The following PSD3 variants were observed in gnomAD, a reference collection of about 807,000 sequenced individuals.
PSD3 encodes the protein PH and SEC7 domain-containing protein 3.
PSD3 carries 49 observed loss-of-function variants against 105.5 expected under a neutral mutation model. The observed-to-expected ratio is 0.46, with a 90% CI of 0.37 to 0.59. PSD3 has a LOEUF of 0.59. Ranked by LOEUF, PSD3 falls within the 20% of genes least tolerant of loss-of-function variation. The probability of loss-of-function intolerance (pLI) is 0.00; values close to 1 mark genes in which losing one functional copy is unlikely to be tolerated. For missense variants in PSD3, 1,561 were observed against 1,263.8 expected, an observed-to-expected ratio of 1.24 and a Z score of -3.57; for synonymous variants, 557 against 457.8, an observed-to-expected ratio of 1.22 and a Z score of -2.77.
At chr8:18,783,180 T>C (rs1174983210) in intron 8 of PSD3, among the ~76,000 whole-genome samples, 1 of 152,232 alleles carries the variant, frequency 6.6e-6, no homozygotes. Context: ...GCTAAGGATC[T>C]ATTCAGGTTT....
rs188952200 is a variant in PSD3 at position 18,699,377 on chromosome 8, T to C, written c.2173-43692A>G. On this transcript the variant is annotated intron_variant, in intron 9 of 15. Coordinates refer to ENST00000327040, the MANE Select transcript of PSD3 (RefSeq NM_015310.4). ...AAACAAGAAACAAACTTATACTGTG[T>C]TGGAGCCAGTCAACAATTTGAGATC... Among the ~76,000 whole-genome samples the C allele has an allele frequency of 3.7e-3, 563 of 152,352 alleles. 2 individuals are homozygous for C. The highest frequency in any genetic ancestry group is 5.9e-3 in the Non-Finnish European group (402 of 68,030).
chr8:18,806,223 T>G (rs746061433), intron 4 of PSD3, among the ~76,000 whole-genome samples: 1 of 152,200 alleles, frequency 6.6e-6, no homozygotes, highest in Non-Finnish European at 1.5e-5. Flanking sequence ...GCCGCTGCCT[T>G]AAGTTCTACT....
chr8:18,915,083 G>A (rs1044333632), intron 2 of PSD3, among the ~76,000 whole-genome samples: 2 of 151,648 alleles, frequency 1.3e-5, no homozygotes, highest in African/African-American at 4.9e-5. Context: ...AAGGTATCAA[G>A]GACACACAAT....
intron 1 of PSD3, among the ~76,000 whole-genome samples, chr8:19,019,002 G>C (rs921352609): frequency 1.3e-5 from 2 of 152,144 alleles, no homozygotes; most frequent in Admixed American, 6.5e-5. Flanking sequence ...TCACCATGTT[G>C]GACAGGATAG....
chr8:19,018,252 AAT>A (rs2129475744), upstream of PSD3, among the ~76,000 whole-genome samples: 1 of 152,264 alleles, frequency 6.6e-6, no homozygotes, highest in South Asian at 2.1e-4. Flanking sequence ...TTACACTTTT[AAT>A]ATGTTTTCAA....
intron 8 of PSD3, among the ~76,000 whole-genome samples, chr8:18,787,534 C>G (rs1301813194): frequency 6.6e-6 from 1 of 152,070 alleles, no homozygotes; most frequent in Non-Finnish European, 1.5e-5. Context: ...CCCCAAAATT[C>G]CAGGCAGGCC....
rs1462808078 is a variant in PSD3 at position 18,936,101 on chromosome 8, G to C, written c.63C>G (p.Ser21=). 5.6e-6 allele frequency: 9 copies of C among 1,613,024 alleles called. No homozygotes were observed. The highest frequency in any genetic ancestry group is 5.9e-6 in the Non-Finnish European group (7 of 1,179,802). ...FVWVNNASAH[S]QSVAKAKYEF... ...CATATTTGGCCTTGGCAACACTCTG[G>C]GAATGTGCAGATGCATTGTTCACCC... The change falls in exon 2 of 16, where the codon TCC becomes TCG. Residue 21 remains serine (S), a synonymous_variant. Transcript: ENST00000327040.
intron 8 of PSD3, among the ~76,000 whole-genome samples, chr8:18,779,975 G>C (rs56062960): frequency 0.079 from 11,990 of 152,184 alleles, 1,026 homozygotes; most frequent in East Asian, 0.33. Flanking sequence ...ATACCTCTTT[G>C]TTGATGACTT....
At chr8:19,013,419 G>T (rs1670329567) in intron 1 of PSD3, 144 bp downstream of exon 1, 3 of 1,049,948 alleles carry the variant, frequency 2.9e-6, no homozygotes, top group African/African-American at 1.7e-5. Context: ...GAGAAAAATC[G>T]CACCCTGCAC....
intron 2 of PSD3, among the ~76,000 whole-genome samples, chr8:18,903,966 C>CTGGCCCCA (rs111284697): frequency 0.055 from 8,330 of 152,138 alleles, 245 homozygotes; most frequent in Admixed American, 0.083. Context: ...CTACTTCTGC[C>CTGGCCCCA]TGGGGAAGTG....
At chr8:18,750,692 G>T (rs148494577) in intron 9 of PSD3, among the ~76,000 whole-genome samples, 12,982 of 151,898 alleles carry the variant, frequency 0.085, 1,296 homozygotes, top group African/African-American at 0.22. Flanking sequence ...AGGGCGCTGA[G>T]TGGTGCGTTT....
chr8:18,661,348 T>C (rs1809335196), intron 9 of PSD3, among the ~76,000 whole-genome samples: 1 of 152,188 alleles, frequency 6.6e-6, no homozygotes, highest in Non-Finnish European at 1.5e-5. Flanking sequence ...TGCAGATACT[T>C]AGATCAAGCA....
rs1160938027 is a variant in PSD3, at chr8:18,871,580, A to G, written c.1238+46T>C. ...AAGTACAGGATAACAGTTTTCTATG[A>G]TATGTACCAGGCATCTGAGACAGCA... On this transcript the variant is annotated intron_variant, in intron 3 of 15. Transcript: ENST00000327040. 5.9e-6 allele frequency: 9 copies of G among 1,535,990 alleles called. No individual in the cohort carries two copies. In the African/African-American group the frequency reaches 8.3e-5, roughly 14 times the overall value.
rs112318243 is a variant in PSD3, at chr8:18,978,435, T to C, written c.21+35128A>G. Reference sequence around the variant, plus strand: ...TGGAAGTAGAAAGGGAAACGTGAGGTTATACTCAGGAAATCCTTTTGCTAA... The same window carrying C: ...TGGAAGTAGAAAGGGAAACGTGAGGCTATACTCAGGAAATCCTTTTGCTAA... On this transcript the variant is annotated intron_variant, in intron 1 of 15. Coordinates refer to ENST00000327040, the MANE Select transcript of PSD3 (RefSeq NM_015310.4). 2.8e-3 allele frequency among the ~76,000 whole-genome samples: 432 copies of C among 152,268 alleles called. 2 individuals carry two copies. The highest frequency in any genetic ancestry group is 9.9e-3 in the African/African-American group (413 of 41,536).
chr8:18,848,556 A>C (rs1815299848), intron 4 of PSD3, among the ~76,000 whole-genome samples: 1 of 152,218 alleles, frequency 6.6e-6, no homozygotes, highest in Non-Finnish European at 1.5e-5. Context: ...AGTGGTGATT[A>C]AGTTTTAAAC....
Position 18,804,849 on chromosome 8 carries a change from TC to T in PSD3, c.1683del (p.Ser562AlafsTer55). On this transcript the variant is annotated frameshift_variant, in exon 5 of 16. Transcript: ENST00000327040. LOFTEE classifies it high-confidence loss of function. ...GTCTCCTTTTCCAAAATTTCAGTGCTCCCCATTTCAGAATGAGCTTCTAGCC... is the reference window on the plus strand; with the variant it reads ...GTCTCCTTTTCCAAAATTTCAGTGCTCCCATTTCAGAATGAGCTTCTAGCC... ...TTRLEAHSEM[G>X]STEILEKETP... The T allele has an allele frequency of 6.2e-7, 1 of 1,613,368 alleles. No individual in the cohort carries two copies. The highest frequency in any genetic ancestry group is 8.5e-7 in the Non-Finnish European group (1 of 1,179,298).
At chr8:18,749,648 C>T (rs1463014732) in intron 9 of PSD3, among the ~76,000 whole-genome samples, 2 of 152,056 alleles carry the variant, frequency 1.3e-5, no homozygotes, top group East Asian at 3.9e-4. Flanking sequence ...GAAGGGAGAA[C>T]AGGCACTCAG....
At chr8:18,662,033 C>T (rs981847810) in intron 9 of PSD3, among the ~76,000 whole-genome samples, 1 of 151,080 alleles carries the variant, frequency 6.6e-6, no homozygotes, top group Non-Finnish European at 1.5e-5. Flanking sequence ...GTTTTGAAAT[C>T]GAGTCAACAT....
chr8:18,901,498 T>C (rs1385431838), intron 2 of PSD3, among the ~76,000 whole-genome samples: 1 of 152,208 alleles, frequency 6.6e-6, no homozygotes, highest in African/African-American at 2.4e-5. Context: ...TGTATATCCT[T>C]TGTTCCTTTC....
Sources: gnomAD v4.1 joint callset for allele counts (sites outside exome capture counted in the v4.1 genomes callset) on GRCh38, gnomAD v4.1.1 for gene constraint, MANE v1.5 for transcripts, NCBI Gene and HGNC (gene_info 2026-07-23, HGNC 2026-07-21) for gene names.